The following POP1 variants were observed in gnomAD, a reference collection of about 807,000 sequenced individuals.
POP1 encodes ribonucleases P/MRP protein subunit POP1.
A neutral mutation model predicts 102.2 loss-of-function variants in POP1; 75 were observed. The ratio of observed to expected loss-of-function variants is 0.73; its 90% CI spans 0.61 to 0.89. POP1 has a LOEUF of 0.89. Ranked by LOEUF, POP1 falls within the 40% of genes least tolerant of loss-of-function variation. POP1 has a pLI of 0.00. For missense variants in POP1, 1,116 were observed against 1,267.4 expected, an observed-to-expected ratio of 0.88 and a Z score of 1.81; for synonymous variants, 436 against 464.1, an observed-to-expected ratio of 0.94 and a Z score of 0.78.
At chr8:98,125,752 C>G (rs1816184476) in intron 2 of POP1, among the ~76,000 whole-genome samples, 1 of 151,952 alleles carries the variant, frequency 6.6e-6, no homozygotes, top group Admixed American at 6.6e-5. Flanking sequence ...GTTGCCCAGG[C>G]TAGTCTTGAA....
In POP1 at chr8:98,157,680, A is replaced by T; in HGVS notation, c.2484A>T (p.Gly828=). The T allele has an allele frequency of 6.2e-7, 1 of 1,614,184 alleles. No individual in the cohort carries two copies. Among genetic ancestry groups the T allele is most frequent in the Non-Finnish European group, 8.5e-7 (1 of 1,180,024 alleles). Residue 828 remains glycine, a synonymous_variant, in exon 16 of 16, where the codon GGA becomes GGT. Transcript: ENST00000401707. ...GGCCCAGTTCTGAGGATAGTCGGGGAGGCCGGCGAGCTCCCGGCAGAGGCC... is the reference window on the plus strand; with the variant it reads ...GGCCCAGTTCTGAGGATAGTCGGGGTGGCCGGCGAGCTCCCGGCAGAGGCC... The part of the protein sequence containing the change: ...WCGPSSEDSR[G]GRRAPGRGQQ...
intron 11 of POP1, 123 bp downstream of exon 11, chr8:98,141,011 C>G (rs1426172069): frequency 9.1e-7 from 1 of 1,094,256 alleles, no homozygotes; most frequent in Admixed American, 1.8e-5. Flanking sequence ...AGGGCAGTCT[C>G]CTTACCTGCC....
Position 98,117,375 on chromosome 8 carries a change from T to G in POP1, c.-18T>G. On this transcript the variant is annotated 5_prime_UTR_variant, in exon 1 of 16. Transcript: ENST00000401707. ...CTTGTCATTCTGACCCGGGGATTCC[T>G]CACAGCGTCTGGCAGGTTGGTCGTG... The G allele has an allele frequency of 2.2e-6, 1 of 460,460 alleles. No individual in the cohort carries two copies. The highest frequency in any genetic ancestry group is 4.3e-5 in the East Asian group (1 of 23,464). 28.5% of individuals were successfully genotyped at this position (460,460 alleles called of 1,614,324 possible).
chr8:98,158,063 C>T lies in POP1; in HGVS notation c.2867C>T (p.Thr956Met), dbSNP rs750621809. The T allele has an allele frequency of 3.1e-5, 50 of 1,609,366 alleles. No individual in the cohort carries two copies. The Admixed American group carries it at 5.0e-4, about 16-fold the overall frequency. The change falls in exon 16 of 16, where the codon ACG becomes ATG. Residue 956 changes from threonine to methionine, a missense_variant. By Grantham distance (81) the Thr-to-Met change is moderately conservative. Transcript: ENST00000401707. ...TGGTCAGGCCCTCTGCCGCGTGTGA[C>T]GTTGCACTGCTCCAGAACTCTCCTA... ...GLWSGPLPRVTLHCSRTLLGF... is the reference protein window; with the variant it reads ...GLWSGPLPRVMLHCSRTLLGF...
chr8:98,131,498 ATC>A (rs1304593724), intron 5 of POP1, among the ~76,000 whole-genome samples: 1 of 152,200 alleles, frequency 6.6e-6, no homozygotes, highest in Non-Finnish European at 1.5e-5. Context: ...TTATTCATTT[ATC>A]TGTCAGTGGA....
intron 1 of POP1, among the ~76,000 whole-genome samples, chr8:98,118,141 T>C (rs1299815203): frequency 1.3e-5 from 2 of 152,254 alleles, no homozygotes; most frequent in Non-Finnish European, 2.9e-5. Context: ...GCTAAGGTTT[T>C]GGCCTTCCTA....
chr8:98,146,700 G>C lies in POP1; in HGVS notation c.1710+17G>C. ...TCGGATCAGGTAACTAATAGTGTAA[G>C]GGTTATTGGTAAAGTCATGAATGAC... On this transcript the variant is annotated intron_variant, in intron 12 of 15. Transcript: ENST00000401707. 1 of 1,533,586 alleles carries C rather than the reference G, an allele frequency of 6.5e-7. No individual in the cohort carries two copies. The highest frequency in any genetic ancestry group is 9.0e-7 in the Non-Finnish European group (1 of 1,106,876). 95.0% of individuals were successfully genotyped at this position (1,533,586 alleles called of 1,614,324 possible). A position where few individuals can be genotyped will look rare whatever the true frequency, so the allele number is the denominator to read the frequency against.
chr8:98,124,003 T>C (rs1329326592), intron 2 of POP1, among the ~76,000 whole-genome samples: 4 of 152,172 alleles, frequency 2.6e-5, no homozygotes, highest in African/African-American at 4.8e-5. Context: ...CTATCATTTG[T>C]GGACATACAT....
rs1816334309 is a variant in POP1, at chr8:98,130,050, A to T, written c.559A>T (p.Asn187Tyr). Residue 187 changes from asparagine to tyrosine, a missense_variant, in exon 5 of 16, where the codon AAC (asparagine) becomes TAC (tyrosine). Coordinates refer to ENST00000401707, the MANE Select transcript of POP1 (RefSeq NM_001145860.2). ...KCHKARRCHM[N>Y]RTLEFNRRQK... is the part of the protein sequence containing the mutation. Reference sequence around the variant, plus strand: ...CCATAAAGCTCGAAGATGTCACATGAACCGGACGCTAGAATTTAACCGTAG... The same window carrying T: ...CCATAAAGCTCGAAGATGTCACATGTACCGGACGCTAGAATTTAACCGTAG... 6.2e-7 allele frequency: 1 copy of T among 1,614,202 alleles called. No individual in the cohort carries two copies. Among genetic ancestry groups the T allele is most frequent in the Non-Finnish European group, 8.5e-7 (1 of 1,180,010 alleles).
chr8:98,118,953 G>A (rs1815932713), intron 1 of POP1, among the ~76,000 whole-genome samples: 2 of 152,016 alleles, frequency 1.3e-5, no homozygotes, highest in African/African-American at 2.4e-5. Context: ...TAAAATCTCT[G>A]TGCTTCGATT....
chr8:98,147,616 G>C (rs1044690512), intron 12 of POP1, among the ~76,000 whole-genome samples: 2 of 152,168 alleles, frequency 1.3e-5, no homozygotes, highest in Non-Finnish European at 2.9e-5. Flanking sequence ...GAGAGAGACT[G>C]TGGGTTGGAT....
intron 2 of POP1, among the ~76,000 whole-genome samples, chr8:98,126,073 T>G (rs1342874650): frequency 6.6e-6 from 1 of 151,350 alleles, no homozygotes; most frequent in Non-Finnish European, 1.5e-5. Flanking sequence ...AGTCTCAAAC[T>G]CCTGGACTCA....
At chr8:98,119,077 A>G (rs1259220061) in intron 1 of POP1, among the ~76,000 whole-genome samples, 4 of 152,234 alleles carry the variant, frequency 2.6e-5, no homozygotes, top group Non-Finnish European at 4.4e-5. Context: ...GCCTAAGATG[A>G]CAAAATTCTT....
intron 1 of POP1, among the ~76,000 whole-genome samples, chr8:98,120,074 G>A (rs1815967925): frequency 6.6e-6 from 1 of 152,180 alleles, no homozygotes; most frequent in Non-Finnish European, 1.5e-5. Context: ...GGGAGCTAGA[G>A]TTTCTATGGT....
chr8:98,129,993 C>T lies in POP1; in HGVS notation c.502C>T (p.His168Tyr), dbSNP rs1463976783. 1 of 1,613,886 alleles carries T rather than the reference C, an allele frequency of 6.2e-7. No individual in the cohort carries two copies. Among genetic ancestry groups the T allele is most frequent in the Non-Finnish European group, 8.5e-7 (1 of 1,179,948 alleles). The change falls in exon 5 of 16, where the codon CAT (histidine) becomes TAT (tyrosine). Residue 168 changes from histidine to tyrosine, a missense_variant. His to Tyr is a moderately conservative substitution (Grantham distance 83). Coordinates refer to ENST00000401707, the MANE Select transcript of POP1 (RefSeq NM_001145860.2). The stretch of plus-strand genomic sequence containing the variant: ...GAAACTATAGGCGGAGAAAGCCGTA[C>T]ATCAGAAAAAAGAACATTCAAAAAA... ...IAQKEAEKAV[H>Y]QKKEHSKNKC...
intron 1 of POP1, among the ~76,000 whole-genome samples, chr8:98,119,000 C>T (rs1225960081): frequency 6.6e-6 from 1 of 152,124 alleles, no homozygotes; most frequent in African/African-American, 2.4e-5. Context: ...CTAGTGACCA[C>T]AGAGTTGTGA....
Position 98,134,490 on chromosome 8 carries a change from T to TTCACTGCTTGTCTGGAAAGC in POP1, c.843_862dup (p.Arg288LeufsTer17). On this transcript the variant is annotated frameshift_variant, in exon 7 of 16. Transcript: ENST00000401707. LOFTEE classifies it high-confidence loss of function. Reference sequence around the variant, plus strand: ...ATGTCAGGGCTGACGTTTGCAGCAGTTCACTGCTTGTCTGGAAAGCGCCAA... The same window carrying TTCACTGCTTGTCTGGAAAGC: ...ATGTCAGGGCTGACGTTTGCAGCAGTTCACTGCTTGTCTGGAAAGCTCACTGCTTGTCTGGAAAGCGCCAA... 6.2e-7 allele frequency: 1 copy of TTCACTGCTTGTCTGGAAAGC among 1,614,174 alleles called. No individual in the cohort carries two copies. Among genetic ancestry groups the TTCACTGCTTGTCTGGAAAGC allele is most frequent in the Non-Finnish European group, 8.5e-7 (1 of 1,180,026 alleles).
At chr8:98,145,285 G>A (rs79875461) in intron 11 of POP1, among the ~76,000 whole-genome samples, 19,291 of 152,226 alleles carry the variant, frequency 0.13, 1,325 homozygotes, top group Middle Eastern at 0.26. Context: ...CTATGGCCCA[G>A]TTGCTTCCAA....
intron 2 of POP1, among the ~76,000 whole-genome samples, chr8:98,126,210 G>A (rs10429316): frequency 0.43 from 65,694 of 151,574 alleles, 14,484 homozygotes; most frequent in Middle Eastern, 0.53. Context: ...GTGGCAGAGA[G>A]TTAGGATAAA....
Sources: allele counts gnomAD v4.1 joint callset (sites outside exome capture counted in the v4.1 genomes callset), GRCh38; gene constraint gnomAD v4.1.1; transcripts MANE v1.5; gene names NCBI Gene and HGNC (gene_info 2026-07-23, HGNC 2026-07-21).